The following ZMPSTE24 variants were observed in gnomAD, a reference collection of about 807,000 sequenced individuals.
The protein encoded by ZMPSTE24 is CAAX prenyl protease 1 homolog.
In ZMPSTE24, 48 loss-of-function variants were observed where a neutral mutation model predicts 56.7. The observed-to-expected ratio is 0.85, with a 90% CI of 0.67 to 1.08. The LOEUF is 1.08. Ranked by LOEUF, ZMPSTE24 falls within the 50% of genes least tolerant of loss-of-function variation. ZMPSTE24 has a pLI of 0.00. For missense variants in ZMPSTE24, 503 were observed against 548.7 expected (o/e 0.92, Z 0.83); for synonymous variants, 172 against 195.2 (o/e 0.88, Z 0.99).
chr1:40,267,121 G>GT (rs999100013), intron 2 of ZMPSTE24, among the ~76,000 whole-genome samples: 13 of 150,676 alleles, frequency 8.6e-5, no homozygotes, highest in East Asian at 1.9e-4. Flanking sequence ...TTGACAAAAG[G>GT]TTTTTTTTTG....
chr1:40,267,932 A>G (rs549991862), intron 3 of ZMPSTE24, 60 bp downstream of exon 3: 1 of 1,494,582 alleles, frequency 6.7e-7, no homozygotes, highest in Non-Finnish European at 9.3e-7. Flanking sequence ...CAGGCTTTCC[A>G]CTAAAGTTAA....
chr1:40,279,179 A>C (rs1643702354), intron 6 of ZMPSTE24, among the ~76,000 whole-genome samples: 1 of 152,226 alleles, frequency 6.6e-6, no homozygotes, highest in Admixed American at 6.5e-5. Flanking sequence ...CTTTATAAAA[A>C]TTGCTTTAAT....
Position 40,292,644 on chromosome 1 carries a change from C to T in ZMPSTE24, c.1403C>T (p.Ala468Val). The T allele has an allele frequency of 6.2e-7, 1 of 1,614,008 alleles. No individual in the cohort carries two copies. The highest frequency in any genetic ancestry group is 1.1e-5 in the South Asian group (1 of 91,070). Reference protein sequence around the residue: ...SHPPLLERLQALKTMKQH With the variant: ...SHPPLLERLQVLKTMKQH ...CCTCCACTGCTAGAGAGACTTCAAG[C>T]TTTGAAAACTATGAAGCAACACTGA... The change falls in exon 10 of 10, where the codon GCT becomes GTT. Residue 468 changes from alanine (A) to valine (V), a missense_variant. Ala to Val is a moderately conservative substitution (Grantham distance 64). Transcript: ENST00000372759.
chr1:40,285,128 A>G (rs1014908415), intron 7 of ZMPSTE24, among the ~76,000 whole-genome samples: 3 of 150,338 alleles, frequency 2.0e-5, no homozygotes, highest in Non-Finnish European at 4.4e-5. Flanking sequence ...TTATTTTGAG[A>G]TGGAGTCTTG....
chr1:40,259,806 C>T (rs935862268), intron 1 of ZMPSTE24, among the ~76,000 whole-genome samples: 1 of 151,792 alleles, frequency 6.6e-6, no homozygotes, highest in African/African-American at 2.4e-5. Flanking sequence ...GAGATGTTGC[C>T]CGGGGTGGTC....
intron 6 of ZMPSTE24, among the ~76,000 whole-genome samples, chr1:40,277,260 G>A (rs372889682): frequency 6.6e-6 from 1 of 151,866 alleles, no homozygotes; most frequent in Admixed American, 6.6e-5. Context: ...TAATTTTTTT[G>A]TATTTTTAGT....
intron 2 of ZMPSTE24, among the ~76,000 whole-genome samples, chr1:40,267,472 C>T (rs554825728): frequency 4.6e-5 from 7 of 151,544 alleles, no homozygotes; most frequent in East Asian, 1.9e-4. Flanking sequence ...TCAGGCAATC[C>T]TGTCACCTCA....
Position 40,294,002 on chromosome 1 carries a change from A to C in ZMPSTE24, c.*1333A>C. 6.5e-6 allele frequency: 1 copy of C among 152,794 alleles called. No homozygotes were observed. Among genetic ancestry groups the C allele is most frequent in the East Asian group, 1.9e-4 (1 of 5,188 alleles). 9.5% of individuals were successfully genotyped at this position (152,794 alleles called of 1,614,324 possible). On this transcript the variant is annotated 3_prime_UTR_variant, in exon 10 of 10. Transcript: ENST00000372759. ...GGAAATATAATAAAAATAAAAATCT[A>C]GTTTAATACTGCATTATTTATTTTC...
intron 6 of ZMPSTE24, among the ~76,000 whole-genome samples, chr1:40,274,624 G>A (rs1164806016): frequency 1.3e-5 from 2 of 152,178 alleles, no homozygotes; most frequent in African/African-American, 4.8e-5. Context: ...AGTCCACATA[G>A]GCCTTTGTAA....
Position 40,292,629 on chromosome 1 carries a change from T to C in ZMPSTE24, c.1388T>C (p.Leu463Pro). Residue 463 changes from leucine (L) to proline (P), a missense_variant, in exon 10 of 10, where the codon CTA becomes CCA. Physicochemically the swap from Leu to Pro is moderately conservative, Grantham distance 98. Coordinates refer to ENST00000372759, the MANE Select transcript of ZMPSTE24 (RefSeq NM_005857.5). ...TGGCATTATTCTCATCCTCCACTGC[T>C]AGAGAGACTTCAAGCTTTGAAAACT... ...SMWHYSHPPLLERLQALKTMK... is the reference protein window; with the variant it reads ...SMWHYSHPPLPERLQALKTMK... 8.7e-6 allele frequency: 14 copies of C among 1,614,106 alleles called. No homozygotes were observed. Among genetic ancestry groups the C allele is most frequent in the African/African-American group, 1.3e-5 (1 of 75,040 alleles).
intron 6 of ZMPSTE24, among the ~76,000 whole-genome samples, chr1:40,280,666 T>C (rs963651898): frequency 6.6e-5 from 10 of 152,156 alleles, no homozygotes. Context: ...CTTCAAGTGA[T>C]CCGCCTGCCT....
chr1:40,275,937 C>T (rs1284062472), intron 6 of ZMPSTE24, among the ~76,000 whole-genome samples: 3 of 152,202 alleles, frequency 2.0e-5, no homozygotes, highest in South Asian at 4.2e-4. Flanking sequence ...GCCACTAGCA[C>T]CTGCAGAATT....
At chr1:40,261,804 G>T (rs1205230322) in intron 2 of ZMPSTE24, among the ~76,000 whole-genome samples, 1 of 152,156 alleles carries the variant, frequency 6.6e-6, no homozygotes, top group Admixed American at 6.5e-5. Context: ...CCACCTCCCG[G>T]GTTCAAGCGA....
chr1:40,281,819 A>ATG (rs955362278), intron 7 of ZMPSTE24, among the ~76,000 whole-genome samples: 38 of 151,934 alleles, frequency 2.5e-4, no homozygotes, highest in African/African-American at 7.3e-4. Flanking sequence ...ATATATATAT[A>ATG]TGTGTGTGTA....
chr1:40,258,884 G>A (rs1291618172), intron 1 of ZMPSTE24, among the ~76,000 whole-genome samples: 3 of 152,096 alleles, frequency 2.0e-5, no homozygotes, highest in African/African-American at 7.2e-5. Flanking sequence ...CGGGCCCGGC[G>A]TGGTGTCTCA....
chr1:40,260,852 A>AAAC lies in ZMPSTE24; in HGVS notation c.144_146dup (p.Thr49dup). ...AAAATATTTCAGAGAAGGATATATAAAACAACAACTCATGTACCACCGGAG... is the reference window on the plus strand; with the variant it reads ...AAAATATTTCAGAGAAGGATATATAAAACAACAACAACTCATGTACCACCGGAG... On this transcript the variant is annotated inframe_insertion, in exon 2 of 10. Transcript: ENST00000372759. 6.2e-7 allele frequency: 1 copy of AAAC among 1,613,932 alleles called. No individual in the cohort carries two copies. Among genetic ancestry groups the AAAC allele is most frequent in the Non-Finnish European group, 8.5e-7 (1 of 1,179,862 alleles).
Position 40,290,888 on chromosome 1 carries a change from T to C in ZMPSTE24, c.1094T>C (p.Val365Ala), listed in dbSNP as rs372458731. The C allele has an allele frequency of 2.5e-6, 4 of 1,614,130 alleles. No individual in the cohort carries two copies. Among genetic ancestry groups the C allele is most frequent in the African/African-American group, 1.3e-5 (1 of 75,056 alleles). Residue 365 changes from valine (V) to alanine (A), a missense_variant, in exon 9 of 10, where the codon GTA (valine) becomes GCA (alanine). Coordinates refer to ENST00000372759, the MANE Select transcript of ZMPSTE24 (RefSeq NM_005857.5). ...NSFLCFFLFA[V>A]LIGRKELFAA... The stretch of plus-strand genomic sequence containing the variant: ...TTCCTGTGTTTTTTTTTATTTGCTG[T>C]ATTAATTGGTCGAAAGGAGCTTTTT...
intron 6 of ZMPSTE24, among the ~76,000 whole-genome samples, chr1:40,273,858 G>T (rs1053992063): frequency 6.6e-6 from 1 of 151,770 alleles, no homozygotes; most frequent in African/African-American, 2.4e-5. Flanking sequence ...TGACAGTGGA[G>T]GTAGTCAATA....
chr1:40,265,697 T>TA (rs1247959352), intron 2 of ZMPSTE24, among the ~76,000 whole-genome samples: 2 of 152,084 alleles, frequency 1.3e-5, no homozygotes, highest in Non-Finnish European at 2.9e-5. Context: ...CTCTGTCTCT[T>TA]AAAAAAAGAA....
Sources: gnomAD v4.1 joint callset for allele counts (sites outside exome capture counted in the v4.1 genomes callset) on GRCh38, gnomAD v4.1.1 for gene constraint, MANE v1.5 for transcripts, NCBI Gene and HGNC (gene_info 2026-07-23, HGNC 2026-07-21) for gene names.